Variants in SEMA3D observed in about 807,000 individuals in gnomAD.
SEMA3D encodes the protein semaphorin 3D, also known as semaphorin-3D.
SEMA3D carries 84 observed loss-of-function variants against 100.1 expected under a neutral mutation model. The observed-to-expected ratio is 0.84, with a 90% CI of 0.70 to 1.01. The LOEUF (loss-of-function observed/expected upper bound fraction) is 1.01. Ranked by LOEUF, SEMA3D falls within the 50% of genes least tolerant of loss-of-function variation. The probability of loss-of-function intolerance (pLI) is 0.00; values close to 1 mark genes in which losing one functional copy is unlikely to be tolerated. For missense variants in SEMA3D, 875 were observed against 934.1 expected (o/e 0.94, Z 0.82); for synonymous variants, 312 against 320.7 (o/e 0.97, Z 0.29).
At chr7:85,227,172 T>C in the SEMA3D span, among the ~76,000 whole-genome samples, 10 of 152,204 alleles carry the variant, frequency 6.6e-5, no homozygotes, top group Non-Finnish European at 1.0e-4. Context: ...GTACTCTCTA[T>C]GAAATATAAG....
At chr7:85,231,907 A>G in the SEMA3D span, among the ~76,000 whole-genome samples, 4 of 152,254 alleles carry the variant, frequency 2.6e-5, no homozygotes, top group East Asian at 7.7e-4. Context: ...GAGGAAAAAC[A>G]TTTTTTTCTT....
At chr7:85,120,685 G>T (rs950638876) in intron 3 of SEMA3D, among the ~76,000 whole-genome samples, 4 of 142,056 alleles carry the variant, frequency 2.8e-5, no homozygotes, top group South Asian at 2.2e-4. Context: ...AAAAAAAAAG[G>T]TTTTAATTAT....
In SEMA3D at chr7:85,050,120, C is replaced by CAGAG. The variant is rs980870075; in HGVS notation, c.861+5593_861+5596dup. Among the ~76,000 whole-genome samples, 301 of 139,820 alleles carry CAGAG rather than the reference C, an allele frequency of 2.2e-3. 1 individual carries two copies. The highest frequency in any genetic ancestry group is 7.9e-3 in the African/African-American group (296 of 37,328). 91.7% of individuals were successfully genotyped at this position (139,820 alleles called of 152,430 possible). A position where few individuals can be genotyped will look rare whatever the true frequency, so the allele number is the denominator to read the frequency against. ...ACACACACACACACACACACACACACAGAGACAGAGTAATAAACATCAGAC... is the reference window on the plus strand; with the variant it reads ...ACACACACACACACACACACACACACAGAGAGAGACAGAGTAATAAACATCAGAC... On this transcript the variant is annotated intron_variant, in intron 9 of 18. Transcript: ENST00000284136.
chr7:85,206,776 A>G, the SEMA3D span, among the ~76,000 whole-genome samples: 4 of 152,072 alleles, frequency 2.6e-5, no homozygotes, highest in Admixed American at 6.6e-5. Flanking sequence ...GAGGAGGAAA[A>G]GAATGGGTAT....
chr7:85,046,923 G>T (rs974630615), intron 9 of SEMA3D, among the ~76,000 whole-genome samples: 11 of 151,884 alleles, frequency 7.2e-5, no homozygotes, highest in African/African-American at 2.7e-4. Flanking sequence ...GCAGTTTTTA[G>T]TCACCAGGCA....
the SEMA3D span, among the ~76,000 whole-genome samples, chr7:85,216,644 C>T: frequency 6.6e-6 from 1 of 151,662 alleles, no homozygotes; most frequent in Non-Finnish European, 1.5e-5. Flanking sequence ...GTTTTTCCCA[C>T]CATTGCTTTT....
chr7:85,233,638 T>C, the SEMA3D span, among the ~76,000 whole-genome samples: 5 of 152,160 alleles, frequency 3.3e-5, no homozygotes, highest in Non-Finnish European at 7.3e-5. Flanking sequence ...TTATTAATAG[T>C]GGTGTTGAAA....
At chr7:85,092,595 T>G (rs756516876) in intron 4 of SEMA3D, among the ~76,000 whole-genome samples, 35 of 152,038 alleles carry the variant, frequency 2.3e-4, no homozygotes, top group Non-Finnish European at 4.0e-4. Context: ...GATGCTTAAG[T>G]CATATTTAGT....
chr7:85,022,963 T>G (rs1790297204), intron 12 of SEMA3D, among the ~76,000 whole-genome samples: 1 of 151,920 alleles, frequency 6.6e-6, no homozygotes, highest in Non-Finnish European at 1.5e-5. Flanking sequence ...TGAGAACACG[T>G]GGAAAGCCAT....
intron 8 of SEMA3D, among the ~76,000 whole-genome samples, chr7:85,057,356 G>A (rs1791349774): frequency 6.6e-6 from 1 of 152,106 alleles, no homozygotes; most frequent in Admixed American, 6.6e-5. Context: ...TGGTTATTGA[G>A]AAATGAAGGA....
At chr7:85,116,445 A>G (rs1207296730) in intron 3 of SEMA3D, among the ~76,000 whole-genome samples, 1 of 147,720 alleles carries the variant, frequency 6.8e-6, no homozygotes, top group African/African-American at 2.5e-5. Flanking sequence ...ATGTATATAC[A>G]TATATAAATA....
At chr7:85,109,716 G>C (rs1312557425) in intron 3 of SEMA3D, among the ~76,000 whole-genome samples, 1 of 151,780 alleles carries the variant, frequency 6.6e-6, no homozygotes, top group Admixed American at 6.6e-5. Context: ...AAGACCTAAG[G>C]ACATTATTTT....
intron 2 of SEMA3D, among the ~76,000 whole-genome samples, chr7:85,152,247 C>G (rs1790451429): frequency 6.6e-6 from 1 of 152,008 alleles, no homozygotes. Context: ...TGAATTACCT[C>G]TTACTGATTG....
intron 1 of SEMA3D, among the ~76,000 whole-genome samples, chr7:85,157,945 T>C (rs1399331873): frequency 3.9e-5 from 6 of 152,226 alleles, no homozygotes; most frequent in Non-Finnish European, 8.8e-5. Flanking sequence ...TCTCTGAACA[T>C]AAATTGTGAA....
chr7:85,008,520 TACACATACACAC>T (rs1270564001), intron 17 of SEMA3D, among the ~76,000 whole-genome samples: 5 of 151,756 alleles, frequency 3.3e-5, no homozygotes, highest in African/African-American at 4.8e-5. Context: ...GCATATTATA[TACACATACACAC>T]ACACATACAC....
At position 84,998,027 on chromosome 7, in the gene SEMA3D, TATTGTTAAATTACAAAA is replaced by T. The variant is rs1357907290; in HGVS notation, c.*1396_*1412del. The T allele has an allele frequency of 6.6e-6, 1 of 152,170 alleles. No individual in the cohort carries two copies. The highest frequency in any genetic ancestry group is 1.5e-5 in the Non-Finnish European group (1 of 67,994). 9.4% of individuals were successfully genotyped at this position (152,170 alleles called of 1,614,324 possible). A position where few individuals can be genotyped will look rare whatever the true frequency, so the allele number is the denominator to read the frequency against. On this transcript the variant is annotated 3_prime_UTR_variant, in exon 19 of 19. Transcript: ENST00000284136. ...TCTTTTTACATGTAGCAGGCTTATT[TATTGTTAAATTACAAAA>T]ACAATACTACAATTACAACAGATTA...
chr7:85,240,981 C>T, the SEMA3D span, among the ~76,000 whole-genome samples: 1 of 151,898 alleles, frequency 6.6e-6, no homozygotes, highest in Non-Finnish European at 1.5e-5. Context: ...AAAAAACAAA[C>T]AATCCCATCA....
At chr7:85,045,384 C>G (rs1025659018) in intron 9 of SEMA3D, among the ~76,000 whole-genome samples, 1 of 151,850 alleles carries the variant, frequency 6.6e-6, no homozygotes, top group African/African-American at 2.4e-5. Flanking sequence ...TAGTAATTGG[C>G]AAAGAAGTTA....
chr7:85,102,657 T>C (rs376041230), intron 3 of SEMA3D, among the ~76,000 whole-genome samples: 193 of 152,126 alleles, frequency 1.3e-3, no homozygotes, highest in African/African-American at 4.4e-3. Context: ...CTGGCTAAAT[T>C]ATCCAAGTGG....
Sources: allele counts gnomAD v4.1 joint callset (sites outside exome capture counted in the v4.1 genomes callset), GRCh38; gene constraint gnomAD v4.1.1; transcripts MANE v1.5; gene names NCBI Gene and HGNC (gene_info 2026-07-23, HGNC 2026-07-21).